Variants in DOCK9 observed in about 807,000 individuals in gnomAD.
The protein encoded by DOCK9 is dedicator of cytokinesis protein 9.
A neutral mutation model predicts 263.3 loss-of-function variants in DOCK9; 89 were observed. The observed-to-expected ratio is 0.34, with a 90% confidence interval of 0.28 to 0.40. DOCK9 has a LOEUF of 0.40. DOCK9 is among the 10% of genes least tolerant of loss of function. DOCK9 has a pLI of 1.00. For missense variants in DOCK9, 2,140 were observed against 2,603.4 expected (o/e 0.82, Z 3.87); for synonymous variants, 976 against 973.1 (o/e 1.00, Z -0.06).
chr13:98,846,454 T>C, intron 37 of DOCK9: 1 of 1,223,950 alleles, frequency 8.2e-7, no homozygotes, highest in Non-Finnish European at 1.1e-6. Flanking sequence ...AAAAATGCAT[T>C]GGAAGACACA....
rs1240260863 is a variant in DOCK9, at chr13:98,987,432, A to C, written c.130-31881T>G. ...ACTCTGAAAACTTGAACATTGGTGG[A>C]TATGAACATTCCACTGGCCCATCTA... On this transcript the variant is annotated intron_variant, in intron 1 of 32. Transcript: ENST00000427887. Among the ~76,000 whole-genome samples the C allele has an allele frequency of 2.0e-5, 3 of 152,246 alleles. No individual in the cohort carries two copies. The South Asian group carries it at 6.2e-4, about 31-fold the overall frequency.
intron 2 of DOCK9, among the ~76,000 whole-genome samples, chr13:98,941,636 C>T (rs1055921840): frequency 2.6e-5 from 4 of 152,160 alleles, no homozygotes; most frequent in African/African-American, 9.7e-5. Flanking sequence ...TACTACTGCA[C>T]AGCTGAGGAC....
chr13:98,872,928 A>C (rs1170784516), intron 27 of DOCK9, among the ~76,000 whole-genome samples: 1 of 152,144 alleles, frequency 6.6e-6, no homozygotes, highest in East Asian at 1.9e-4. Flanking sequence ...CATGCCTCAC[A>C]TGGCTGCTCC....
At chr13:99,010,591 G>GA (rs1228911465) in intron 1 of DOCK9, among the ~76,000 whole-genome samples, 1 of 150,622 alleles carries the variant, frequency 6.6e-6, no homozygotes, top group African/African-American at 2.4e-5. Context: ...AATACTTTAG[G>GA]AAAAATCTAC....
chr13:98,954,863 TACACACACACACAC>T (rs71719426), intron 2 of DOCK9, among the ~76,000 whole-genome samples: 9 of 146,586 alleles, frequency 6.1e-5, no homozygotes, highest in South Asian at 2.2e-4. Flanking sequence ...TTATTCAAGA[TACACACACACACAC>T]ACACACACAC....
intron 1 of DOCK9, among the ~76,000 whole-genome samples, chr13:98,997,183 C>CT (rs1881250448): frequency 6.6e-6 from 1 of 152,236 alleles, no homozygotes; most frequent in African/African-American, 2.4e-5. Context: ...CGCAGGGCAC[C>CT]TGTGTCTGCT....
At chr13:98,967,661 G>T (rs71437982) in intron 1 of DOCK9, among the ~76,000 whole-genome samples, 1 of 152,144 alleles carries the variant, frequency 6.6e-6, no homozygotes, top group Non-Finnish European at 1.5e-5. Flanking sequence ...CAGGCTCCAC[G>T]TCGCCAGGGA....
intron 1 of DOCK9, among the ~76,000 whole-genome samples, chr13:98,966,342 G>A (rs1307384313): frequency 2.6e-5 from 4 of 152,238 alleles, no homozygotes; most frequent in Non-Finnish European, 4.4e-5. Flanking sequence ...CAGGTAGAGC[G>A]CCTGCAGTGG....
At chr13:98,877,037 G>A (rs2043965101) in intron 27 of DOCK9, among the ~76,000 whole-genome samples, 1 of 152,242 alleles carries the variant, frequency 6.6e-6, no homozygotes, top group Non-Finnish European at 1.5e-5. Flanking sequence ...GGTTGTGCAT[G>A]GTAGCATTTG....
intron 2 of DOCK9, among the ~76,000 whole-genome samples, chr13:98,951,434 C>A (rs947296772): frequency 1.3e-5 from 2 of 152,140 alleles, no homozygotes; most frequent in African/African-American, 2.4e-5. Flanking sequence ...ACCCTAGCAC[C>A]TAGCAAGAAA....
At chr13:98,928,548 T>G (rs562970930) in intron 3 of DOCK9, among the ~76,000 whole-genome samples, 32 of 152,340 alleles carry the variant, frequency 2.1e-4, no homozygotes, top group African/African-American at 7.2e-4. Flanking sequence ...TTTAATCAAC[T>G]GGGAGAACTG....
chr13:98,922,113 T>C lies in DOCK9; in HGVS notation c.520A>G (p.Ile174Val). Residue 174 changes from isoleucine to valine, a missense_variant, in exon 6 of 53, where the codon ATC becomes GTC. Physicochemically the swap from Ile to Val is conservative, Grantham distance 29. Transcript: ENST00000682017. ...TTGTACAGCCAGCCATGCTTGGTGATCCCACCCTTCTGGGAACCAAGGGAG... is the reference window on the plus strand; with the variant it reads ...TTGTACAGCCAGCCATGCTTGGTGACCCCACCCTTCTGGGAACCAAGGGAG... ...AASLGSQKGG[I>V]TKHGWLYKGN... The C allele has an allele frequency of 6.2e-7, 1 of 1,600,824 alleles. No homozygotes were observed. Among genetic ancestry groups the C allele is most frequent in the Non-Finnish European group, 8.5e-7 (1 of 1,174,052 alleles).
At chr13:99,014,229 C>T (rs530630891) in intron 1 of DOCK9, among the ~76,000 whole-genome samples, 1 of 152,364 alleles carries the variant, frequency 6.6e-6, no homozygotes, top group South Asian at 2.1e-4. Flanking sequence ...CCAAGCAGGT[C>T]CCGGGCTGTC....
chr13:98,924,608 G>A (rs556427918), intron 4 of DOCK9, among the ~76,000 whole-genome samples: 44 of 152,304 alleles, frequency 2.9e-4, no homozygotes, highest in African/African-American at 1.0e-3. Flanking sequence ...ATCATGAGAG[G>A]CTTGGTGCTG....
intron 1 of DOCK9, among the ~76,000 whole-genome samples, chr13:99,026,891 G>A (rs1886794258): frequency 6.6e-6 from 1 of 151,944 alleles, no homozygotes. Flanking sequence ...AGAGCACAGT[G>A]CAGAGTACCT....
intron 34 of DOCK9, among the ~76,000 whole-genome samples, chr13:98,854,308 T>TA (rs1348537074): frequency 2.0e-5 from 3 of 151,248 alleles, no homozygotes; most frequent in South Asian, 2.1e-4. Flanking sequence ...CCAATTGAAA[T>TA]AAAAAAAATT....
chr13:98,862,554 T>C (rs1392512764), intron 32 of DOCK9, among the ~76,000 whole-genome samples: 1 of 152,032 alleles, frequency 6.6e-6, no homozygotes, highest in Non-Finnish European at 1.5e-5. Context: ...CCGGATGTGG[T>C]GGTGGGTACC....
intron 50 of DOCK9, 22 bp from the exon 51 acceptor site, chr13:98,797,511 T>G (rs745760221): frequency 1.9e-6 from 3 of 1,582,928 alleles, no homozygotes; most frequent in Non-Finnish European, 2.6e-6. Context: ...GCAAAGATTT[T>G]CAGTTCCACT....
At chr13:98,987,771 A>C (rs1878804802) in intron 1 of DOCK9, among the ~76,000 whole-genome samples, 1 of 152,196 alleles carries the variant, frequency 6.6e-6, no homozygotes, top group Non-Finnish European at 1.5e-5. Context: ...TATGCTTTGG[A>C]GTTATGTTCC....
Sources: allele counts gnomAD v4.1 joint callset (sites outside exome capture counted in the v4.1 genomes callset), GRCh38; gene constraint gnomAD v4.1.1; transcripts MANE v1.5; gene names NCBI Gene and HGNC (gene_info 2026-07-23, HGNC 2026-07-21).